The following SSU72 variants were observed in gnomAD, a reference collection of about 807,000 sequenced individuals.
SSU72 encodes the protein SSU72 homolog, RNA polymerase II CTD phosphatase.
Under a neutral mutation model 22.7 loss-of-function variants are expected in SSU72, and 12 were observed. The observed-to-expected ratio is 0.53, with a 90% CI of 0.34 to 0.86. The LOEUF (loss-of-function observed/expected upper bound fraction) is 0.86, where lower values mean the gene tolerates loss of function less well. Among genes scored for constraint, SSU72 ranks in the 40% least tolerant of loss-of-function variants. The pLI is 0.02. For synonymous variants in SSU72, 116 were observed against 98.3 expected (o/e 1.18, Z -1.06); for missense variants, 151 against 249.8 (o/e 0.60, Z 2.67).
At chr1:1,565,754 G>A (rs1425242082) in intron 1 of SSU72, among the ~76,000 whole-genome samples, 1 of 64,526 alleles carries the variant, frequency 1.5e-5, no homozygotes, top group Admixed American at 2.0e-4. Context: ...CTAGTCACAG[G>A]TGAGGAAACT....
rs928441341 is a variant in SSU72, at chr1:1,554,837, G to A, written c.225-9835C>T. Among the ~76,000 whole-genome samples the A allele has an allele frequency of 5.3e-5, 8 of 152,128 alleles. No individual in the cohort carries two copies. In the East Asian group the frequency reaches 1.2e-3, roughly 22 times the overall value. On this transcript the variant is annotated intron_variant, in intron 2 of 4. Transcript: ENST00000291386. The surrounding 1 kb of genome is among the most constrained non-coding windows in gnomAD (Gnocchi z 4.1). ...GCACCATCCTGGGTTCCCTGCTGCCGGCGCCAGCCCCACGTACCCCCGACC... is the reference window on the plus strand; with the variant it reads ...GCACCATCCTGGGTTCCCTGCTGCCAGCGCCAGCCCCACGTACCCCCGACC...
chr1:1,557,189 A>C (rs1440514798), intron 2 of SSU72, among the ~76,000 whole-genome samples: 19 of 151,054 alleles, frequency 1.3e-4, no homozygotes, highest in Non-Finnish European at 4.4e-5. Context: ...GAGGCGGGTG[A>C]ATCACTTGAG....
chr1:1,574,471 C>T lies in SSU72; in HGVS notation c.80+7G>A. On this transcript the variant is annotated splice_region_variant and intron_variant, in intron 1 of 4. Transcript: ENST00000291386. ...GAGCGCGCGGGGACAGGGTGGAGCC[C>T]AACTACCTGAGGATGTTGTGCGCCT... is the stretch of plus-strand genomic sequence containing the variant. The T allele has an allele frequency of 6.3e-7, 1 of 1,593,598 alleles. No individual in the cohort carries two copies. Among genetic ancestry groups the T allele is most frequent in the South Asian group, 1.1e-5 (1 of 88,732 alleles).
chr1:1,543,881 C>T lies in SSU72; in HGVS notation c.471G>A (p.Glu157=). The T allele has an allele frequency of 6.2e-7, 1 of 1,613,520 alleles. No homozygotes were observed. The highest frequency in any genetic ancestry group is 8.5e-7 in the Non-Finnish European group (1 of 1,179,792). Residue 157 remains glutamate (E), a synonymous_variant, in exon 4 of 5, where the codon GAG becomes GAA. Coordinates refer to ENST00000291386, the MANE Select transcript of SSU72 (RefSeq NM_014188.3). ...EATLGAFLIC[E]LCQCIQHTED... ...GCCGGGTACTTACACACTGGCAGAGCTCACAGATGAGAAACGCCCCCAGGG... is the reference window on the plus strand; with the variant it reads ...GCCGGGTACTTACACACTGGCAGAGTTCACAGATGAGAAACGCCCCCAGGG...
At chr1:1,566,778 C>T (rs1023582617) in intron 1 of SSU72, among the ~76,000 whole-genome samples, 3 of 151,814 alleles carry the variant, frequency 2.0e-5, no homozygotes, top group South Asian at 4.2e-4. Flanking sequence ...GACTTGAATC[C>T]GGGAGGCAGA....
chr1:1,553,791 CA>C (rs33931848), intron 2 of SSU72, among the ~76,000 whole-genome samples: 51,099 of 106,020 alleles, frequency 0.48, 10,772 homozygotes, highest in African/African-American at 0.65. Context: ...GACTCCGTCT[CA>C]AAAAAAAAAA....
chr1:1,571,797 T>C (rs1642734552), intron 1 of SSU72, among the ~76,000 whole-genome samples: 1 of 151,362 alleles, frequency 6.6e-6, no homozygotes, highest in African/African-American at 2.4e-5. Flanking sequence ...CTAAATAATT[T>C]TTTTTTTTGA....
chr1:1,571,434 C>CAAAA (rs200572913), intron 1 of SSU72, among the ~76,000 whole-genome samples: 8 of 114,366 alleles, frequency 7.0e-5, no homozygotes, highest in East Asian at 2.1e-4. Context: ...CCGACTTCAA[C>CAAAA]AAAAAAAAAA....
chr1:1,544,079 G>GGCCCA (rs1260537686), intron 3 of SSU72, 92 bp from the exon 4 acceptor site: 10 of 962,550 alleles, frequency 1.0e-5, no homozygotes, highest in South Asian at 2.9e-5. Context: ...GCCGGCTGCA[G>GGCCCA]GCCCAGCCCA....
chr1:1,542,040 G>T lies in SSU72; in HGVS notation c.*26C>A. The T allele has an allele frequency of 6.4e-7, 1 of 1,556,890 alleles. No individual in the cohort carries two copies. Among genetic ancestry groups the T allele is most frequent in the East Asian group, 2.4e-5 (1 of 42,088 alleles). On this transcript the variant is annotated 3_prime_UTR_variant, in exon 5 of 5. Transcript: ENST00000291386. This position sits in a 1 kb window ranked among gnomAD's most constrained non-coding sequence, Gnocchi z 4.4. ...AAAGTATGAACAACAGGAAGCTCCA[G>T]AGGCGGCTCCATGCGGGCGCTGGGC... is the stretch of plus-strand genomic sequence containing the variant.
chr1:1,551,058 T>A (rs895270871), intron 2 of SSU72, among the ~76,000 whole-genome samples: 1 of 152,146 alleles, frequency 6.6e-6, no homozygotes, highest in Non-Finnish European at 1.5e-5. Context: ...CAGGCCTGGC[T>A]GCTTCCCCAG....
chr1:1,571,654 C>T (rs535814287), intron 1 of SSU72, among the ~76,000 whole-genome samples: 1 of 152,298 alleles, frequency 6.6e-6, no homozygotes, highest in Non-Finnish European at 1.5e-5. Context: ...CCAGAGACCA[C>T]AGCTCTGCCA....
intron 2 of SSU72, among the ~76,000 whole-genome samples, chr1:1,550,851 C>T (rs1444245973): frequency 6.6e-6 from 1 of 152,188 alleles, no homozygotes; most frequent in Admixed American, 6.5e-5. Flanking sequence ...GAACCATCAC[C>T]CACCACACGC....
At position 1,554,642 on chromosome 1, in the gene SSU72, C is replaced by T. The variant is rs1291859940; in HGVS notation, c.225-9640G>A. Among the ~76,000 whole-genome samples, 1 of 152,288 alleles carries T rather than the reference C, an allele frequency of 6.6e-6. No individual in the cohort carries two copies. The highest frequency in any genetic ancestry group is 1.5e-5 in the Non-Finnish European group (1 of 68,024). On this transcript the variant is annotated intron_variant, in intron 2 of 4. Coordinates refer to ENST00000291386, the MANE Select transcript of SSU72 (RefSeq NM_014188.3). The surrounding 1 kb of genome is among the most constrained non-coding windows in gnomAD (Gnocchi z 4.1). ...ACCGAGAGGCCAGGACCACACTACC[C>T]TGCTATGAGTCACCAGGGACTTGAA...
chr1:1,568,742 T>C (rs1221449453), intron 1 of SSU72, among the ~76,000 whole-genome samples: 4 of 151,694 alleles, frequency 2.6e-5, no homozygotes, highest in Admixed American at 1.3e-4. Context: ...CTGACCAACA[T>C]GGAGAAACCC....
rs567383711 is a variant in SSU72, at chr1:1,547,496, G to A, written c.225-2494C>T. Among the ~76,000 whole-genome samples, 25 of 152,362 alleles carry A rather than the reference G, an allele frequency of 1.6e-4. No individual in the cohort carries two copies. In the South Asian group the frequency reaches 5.2e-3, roughly 32 times the overall value. On this transcript the variant is annotated intron_variant, in intron 2 of 4. Coordinates refer to ENST00000291386, the MANE Select transcript of SSU72 (RefSeq NM_014188.3). ...TCCTGGCGAGGAGATGCGAGGTGAG[G>A]CCCCGCCCAGAGGGCTAGACCTGCA...
At chr1:1,548,386 T>C (rs1315266173) in intron 2 of SSU72, among the ~76,000 whole-genome samples, 1 of 152,012 alleles carries the variant, frequency 6.6e-6, no homozygotes, top group Non-Finnish European at 1.5e-5. Flanking sequence ...GTGAAACTCA[T>C]CTATACCAAA....
chr1:1,572,983 T>C (rs1028282254), intron 1 of SSU72, among the ~76,000 whole-genome samples: 2 of 151,618 alleles, frequency 1.3e-5, no homozygotes, highest in African/African-American at 4.8e-5. Flanking sequence ...TTCTAGCACA[T>C]TTCTAGTTTT....
rs560269954 is a variant in SSU72, at chr1:1,568,596, ACT to A, written c.81-3682_81-3681del. ...ACTCCCGCCTGGGTGACAAAGTGAG[ACT>A]CTGTCTCAAAAAAACTCCAAAAAAC... is the stretch of plus-strand genomic sequence containing the variant. On this transcript the variant is annotated intron_variant, in intron 1 of 4. Coordinates refer to ENST00000291386, the MANE Select transcript of SSU72 (RefSeq NM_014188.3). 1.3e-3 allele frequency among the ~76,000 whole-genome samples: 205 copies of A among 152,046 alleles called. 1 individual carries two copies. Among genetic ancestry groups the A allele is most frequent in the African/African-American group, 3.5e-3 (146 of 41,476 alleles).
Sources: allele counts gnomAD v4.1 joint callset (sites outside exome capture counted in the v4.1 genomes callset), GRCh38; gene constraint gnomAD v4.1.1; non-coding constraint Gnocchi (gnomAD v3.1); transcripts MANE v1.5; gene names NCBI Gene and HGNC (gene_info 2026-07-23, HGNC 2026-07-21).